The following SP3 variants were observed in gnomAD, a reference collection of about 807,000 sequenced individuals.
The protein encoded by SP3 is Sp3 transcription factor, also known as transcription factor Sp3.
Under a neutral mutation model 70.3 loss-of-function variants are expected in SP3, and 10 were observed. The ratio of observed to expected loss-of-function variants is 0.14; its 90% CI spans 0.09 to 0.24. The LOEUF (loss-of-function observed/expected upper bound fraction) is 0.24. Ranked by LOEUF, SP3 falls within the 10% of genes least tolerant of loss-of-function variation. The pLI is 1.00. For synonymous variants in SP3, 402 were observed against 333.5 expected (o/e 1.21, Z -2.24); for missense variants, 825 against 914.6 (o/e 0.90, Z 1.26).
chr2:173,951,074 T>C (rs1441594247), intron 4 of SP3, among the ~76,000 whole-genome samples: 1 of 152,202 alleles, frequency 6.6e-6, no homozygotes, highest in African/African-American at 2.4e-5. Context: ...TCTGATAACA[T>C]TTGAAAAGAA....
At chr2:173,911,134 T>C (rs1336976854) in intron 6 of SP3, among the ~76,000 whole-genome samples, 2 of 152,228 alleles carry the variant, frequency 1.3e-5, no homozygotes, top group Non-Finnish European at 1.5e-5. Context: ...GCTTGAACTA[T>C]ACTGCAGTCA....
intron 3 of SP3, among the ~76,000 whole-genome samples, chr2:173,962,392 G>C (rs1691116033): frequency 1.3e-5 from 2 of 152,120 alleles, no homozygotes; most frequent in African/African-American, 4.8e-5. Context: ...CAGTCAATTT[G>C]TTTTGGCACT....
chr2:173,937,972 A>G (rs372766593), intron 4 of SP3, among the ~76,000 whole-genome samples: 1 of 152,218 alleles, frequency 6.6e-6, no homozygotes, highest in South Asian at 2.1e-4. Flanking sequence ...TTAAAAAATG[A>G]CTTTAGGGCA....
chr2:173,960,968 T>A (rs1449916094), intron 3 of SP3, among the ~76,000 whole-genome samples: 1 of 152,168 alleles, frequency 6.6e-6, no homozygotes, highest in Non-Finnish European at 1.5e-5. Context: ...AGAGTGAGAC[T>A]CTGTCTCAAA....
In SP3 at chr2:173,901,814, G is replaced by T. The variant is rs138105976; in HGVS notation, c.*8127C>A. ...CCTCCTGCGTTCAAGCGATTCTCGT[G>T]CCTCAGCCTCCCGAGTAGCTGGGAT... On this transcript the variant is annotated 3_prime_UTR_variant, in exon 7 of 7. Coordinates refer to ENST00000310015, the MANE Select transcript of SP3 (RefSeq NM_003111.5). Among the ~76,000 whole-genome samples, 851 of 149,178 alleles carry T rather than the reference G, an allele frequency of 5.7e-3. 9 individuals are homozygous for T. Among genetic ancestry groups the T allele is most frequent in the African/African-American group, 0.02 (803 of 40,594 alleles).
At position 173,965,245 on chromosome 2, in the gene SP3, G is replaced by A. The variant is rs2105512169; in HGVS notation, c.-74C>T. 2 of 1,527,102 alleles carry A rather than the reference G, an allele frequency of 1.3e-6. No individual in the cohort carries two copies. The highest frequency in any genetic ancestry group is 1.8e-6 in the Non-Finnish European group (2 of 1,128,848). 94.6% of individuals were successfully genotyped at this position (1,527,102 alleles called of 1,614,324 possible). On this transcript the variant is annotated 5_prime_UTR_variant, in exon 1 of 7. Coordinates refer to ENST00000310015, the MANE Select transcript of SP3 (RefSeq NM_003111.5). ...GTGAGGAGCGAAGGCGGCGGCGGCG[G>A]GAGAGGATGCGGGAAGCGGCGGCGG...
intron 4 of SP3, among the ~76,000 whole-genome samples, chr2:173,920,098 C>G (rs1401310739): frequency 1.3e-5 from 2 of 152,004 alleles, no homozygotes; most frequent in South Asian, 2.1e-4. Flanking sequence ...CCCCGCACCC[C>G]CTATGTATTC....
rs759652858 is a variant in SP3 at position 173,964,477 on chromosome 2, GCCGCCGCCGCCA to G, written c.72_83del (p.Gly26_Gly29del). ...GCTGCTGCAGATACTCGCCGTGGCC[GCCGCCGCCGCCA>G]CCGCCGCCGCCGCTATCCACGTCCA... On this transcript the variant is annotated inframe_deletion, in exon 2 of 7. Coordinates refer to ENST00000310015, the MANE Select transcript of SP3 (RefSeq NM_003111.5). 3.6e-5 allele frequency: 25 copies of G among 702,222 alleles called. No homozygotes were observed. Among genetic ancestry groups the G allele is most frequent in the East Asian group, 1.1e-4 (4 of 35,094 alleles). The allele number at this position is 702,222 out of a possible 1,614,324, so 43.5% of individuals were successfully genotyped here.
At position 173,909,232 on chromosome 2, in the gene SP3, G is replaced by A. The variant is rs1452601811; in HGVS notation, c.*709C>T. On this transcript the variant is annotated 3_prime_UTR_variant, in exon 7 of 7. Transcript: ENST00000310015. Reference sequence around the variant, plus strand: ...ACATTTTAAACTTTTTTAAACATTGGTTATATTGCCCAACTTCGTTATTGA... The same window carrying A: ...ACATTTTAAACTTTTTTAAACATTGATTATATTGCCCAACTTCGTTATTGA... 6.6e-6 allele frequency: 1 copy of A among 152,412 alleles called. No homozygotes were observed. Among genetic ancestry groups the A allele is most frequent in the Non-Finnish European group, 1.5e-5 (1 of 67,958 alleles). The allele number at this position is 152,412 out of a possible 1,614,324, so 9.4% of individuals were successfully genotyped here.
upstream of SP3, chr2:173,965,490 G>C (rs970765289): frequency 1.6e-4 from 52 of 330,006 alleles, 1 homozygote; most frequent in African/African-American, 1.1e-3. Context: ...CGCGCTTCCT[G>C]TTTGCCCCCG....
chr2:173,912,160 G>A (rs768527213), intron 6 of SP3, among the ~76,000 whole-genome samples: 2 of 152,146 alleles, frequency 1.3e-5, no homozygotes, highest in Non-Finnish European at 2.9e-5. Context: ...GTTTCATGTA[G>A]GTTAATCTCA....
rs188421524 is a variant in SP3, at chr2:173,902,368, T to C, written c.*7573A>G. On this transcript the variant is annotated 3_prime_UTR_variant, in exon 7 of 7. Transcript: ENST00000310015. ...TGGAAAAAATGTGAACTCCTATAAA[T>C]GGCTGGTAGGAATATAATTTGGTAT... Among the ~76,000 whole-genome samples the C allele has an allele frequency of 1.9e-3, 288 of 152,324 alleles. 2 individuals are homozygous for C. Among genetic ancestry groups the C allele is most frequent in the Non-Finnish European group, 1.8e-3 (123 of 68,016 alleles).
At chr2:173,959,183 C>T (rs1306878878) in intron 3 of SP3, among the ~76,000 whole-genome samples, 1 of 152,054 alleles carries the variant, frequency 6.6e-6, no homozygotes, top group Non-Finnish European at 1.5e-5. Flanking sequence ...TTTATTTCCA[C>T]AATTCCACAA....
chr2:173,964,813 C>T (rs1404228777), intron 1 of SP3: 8 of 469,646 alleles, frequency 1.7e-5, no homozygotes, highest in East Asian at 3.7e-5. Context: ...TGCCCCCTCT[C>T]CTCTCCTCCC....
At chr2:173,961,998 T>G (rs375024539) in intron 3 of SP3, among the ~76,000 whole-genome samples, 31 of 150,252 alleles carry the variant, frequency 2.1e-4, no homozygotes, top group African/African-American at 7.6e-4. Flanking sequence ...ATTGGCAAAT[T>G]ATGATGTATT....
rs372675774 is a variant in SP3, at chr2:173,918,572, A to G, written c.1832+21T>C. ...GATATTAGCACTCTTAAAAATATAT[A>G]TGTGTTTCATGTATGCATACCTTCC... On this transcript the variant is annotated intron_variant, in intron 5 of 6. Transcript: ENST00000310015. 9.4e-6 allele frequency: 15 copies of G among 1,603,908 alleles called. No homozygotes were observed. In the Middle Eastern group the frequency reaches 7.1e-4, roughly 75 times the overall value.
At position 173,908,703 on chromosome 2, in the gene SP3, T is replaced by G. The variant is rs1238212950; in HGVS notation, c.*1238A>C. On this transcript the variant is annotated 3_prime_UTR_variant, in exon 7 of 7. Coordinates refer to ENST00000310015, the MANE Select transcript of SP3 (RefSeq NM_003111.5). ...GTTACAGGTATACATTTAGGAAAAC[T>G]GTATAGCTCTTACAAGACCAGCAAT... 2 of 152,420 alleles carry G rather than the reference T, an allele frequency of 1.3e-5. No individual in the cohort carries two copies. The highest frequency in any genetic ancestry group is 1.5e-5 in the Non-Finnish European group (1 of 67,890). The allele number at this position is 152,420 out of a possible 1,614,324, so 9.4% of individuals were successfully genotyped here.
chr2:173,920,769 T>C (rs1689731954), intron 4 of SP3, among the ~76,000 whole-genome samples: 1 of 152,084 alleles, frequency 6.6e-6, no homozygotes, highest in Non-Finnish European at 1.5e-5. Context: ...TTTTGTATTT[T>C]TAGTAGAGAC....
chr2:173,950,841 T>C (rs1690691405), intron 4 of SP3, among the ~76,000 whole-genome samples: 1 of 152,150 alleles, frequency 6.6e-6, no homozygotes, highest in African/African-American at 2.4e-5. Flanking sequence ...AAGAGAAAGT[T>C]TATATCCTCA....
Sources: allele counts gnomAD v4.1 joint callset (sites outside exome capture counted in the v4.1 genomes callset), GRCh38; gene constraint gnomAD v4.1.1; transcripts MANE v1.5; gene names NCBI Gene and HGNC (gene_info 2026-07-23, HGNC 2026-07-21).